The following SGCE variants were observed in gnomAD, a reference collection of about 807,000 sequenced individuals.
SGCE encodes the protein sarcoglycan epsilon.
A neutral mutation model predicts 57.8 loss-of-function variants in SGCE; 26 were observed. The ratio of observed to expected loss-of-function variants is 0.45; its 90% CI spans 0.33 to 0.62. The LOEUF is 0.62. Ranked by LOEUF, SGCE falls within the 20% of genes least tolerant of loss-of-function variation. The pLI is 0.02. For missense variants in SGCE, 468 were observed against 548.6 expected (o/e 0.85, Z 1.47); for synonymous variants, 183 against 189.5 (o/e 0.97, Z 0.28).
At position 94,635,790 on chromosome 7, in the gene SGCE, T is replaced by C. The variant is rs146509970; in HGVS notation, c.110-5949A>G. Among the ~76,000 whole-genome samples, 532 of 152,354 alleles carry C rather than the reference T, an allele frequency of 3.5e-3. 3 individuals carry two copies. The highest frequency in any genetic ancestry group is 0.012 in the African/African-American group (506 of 41,592). ...TTTGTTTTTGTTTTTCTCACTAAGA[T>C]TTACCTTGTGTTTTATCAATACAAC... On this transcript the variant is annotated intron_variant, in intron 1 of 10. Transcript: ENST00000648936.
At chr7:94,602,256 T>C (rs1295209419) in intron 6 of SGCE, among the ~76,000 whole-genome samples, 1 of 152,140 alleles carries the variant, frequency 6.6e-6, no homozygotes, top group Admixed American at 6.6e-5. Context: ...TGAGCAAATT[T>C]GCCTATAATA....
At chr7:94,628,109 G>C in intron 3 of SGCE, 93 bp downstream of exon 3, 1 of 993,886 alleles carries the variant, frequency 1.0e-6, no homozygotes, top group Non-Finnish European at 1.5e-6. Context: ...GGTAACTTTA[G>C]TTTCAACACT....
chr7:94,587,274 C>T (rs550409736), intron 10 of SGCE: 2 of 987,720 alleles, frequency 2.0e-6, no homozygotes, highest in Non-Finnish European at 2.4e-6. Flanking sequence ...AAACAAATTG[C>T]CCTAATATCA....
At chr7:94,655,710 G>C (rs1028141418) in intron 1 of SGCE, among the ~76,000 whole-genome samples, 12 of 151,874 alleles carry the variant, frequency 7.9e-5, no homozygotes, top group African/African-American at 2.9e-4. Flanking sequence ...GGGATGTTGG[G>C]AACAGGAATT....
At chr7:94,639,435 G>A in intron 1 of SGCE, 1 of 1,528,498 alleles carries the variant, frequency 6.5e-7, no homozygotes, top group Non-Finnish European at 8.8e-7. Context: ...CATCAGCACA[G>A]CTTAATAAAA....
At chr7:94,591,374 C>T (rs532884143) in intron 9 of SGCE, among the ~76,000 whole-genome samples, 22 of 152,264 alleles carry the variant, frequency 1.4e-4, no homozygotes, top group Middle Eastern at 3.4e-3. Flanking sequence ...AGTGCACCTT[C>T]TACACATAGG....
intron 1 of SGCE, among the ~76,000 whole-genome samples, chr7:94,653,103 G>A (rs1808122458): frequency 6.6e-6 from 1 of 152,136 alleles, no homozygotes; most frequent in Admixed American, 6.5e-5. Flanking sequence ...ATTCCAGTTT[G>A]TTTTGAAATC....
rs113874093 is a variant in SGCE at position 94,624,307 on chromosome 7, T to C, written c.391-910A>G. 4.1e-3 allele frequency: 1,624 copies of C among 397,886 alleles called. 31 individuals are homozygous for C. The highest frequency in any genetic ancestry group is 0.03 in the African/African-American group (1,465 of 48,698). The allele number at this position is 397,886 out of a possible 1,614,324, so 24.6% of individuals were successfully genotyped here. A position where few individuals can be genotyped will look rare whatever the true frequency, so the allele number is the denominator to read the frequency against. ...AACTAAAAATAAATATCTTGTGCAT[T>C]TTAAAACAAATATCAAAGATTTTTA... On this transcript the variant is annotated intron_variant, in intron 3 of 10. Transcript: ENST00000648936.
chr7:94,629,393 A>G (rs1273926085), intron 2 of SGCE: 1 of 262,944 alleles, frequency 3.8e-6, no homozygotes, highest in African/African-American at 2.3e-5. Context: ...TCAATGTACT[A>G]TGTGAGAATC....
chr7:94,652,104 G>C lies in SGCE; in HGVS notation c.109+3886C>G, dbSNP rs371564115. Among the ~76,000 whole-genome samples, 136 of 152,110 alleles carry C rather than the reference G, an allele frequency of 8.9e-4. No homozygotes were observed. In the South Asian group the frequency reaches 0.028, roughly 31 times the overall value. The stretch of plus-strand genomic sequence containing the variant: ...CTGTCTGTCTGTCTGTCTCTGCTGG[G>C]GAGGTTGAGAGGGATAGAAAGAAAA... On this transcript the variant is annotated intron_variant, in intron 1 of 10. Transcript: ENST00000648936.
intron 1 of SGCE, among the ~76,000 whole-genome samples, chr7:94,653,230 A>T (rs1386007735): frequency 1.3e-5 from 2 of 152,174 alleles, no homozygotes; most frequent in Admixed American, 1.3e-4. Flanking sequence ...TCTAGTTATT[A>T]TCTAACAAGT....
At chr7:94,615,742 C>T (rs747951853) in intron 5 of SGCE, among the ~76,000 whole-genome samples, 4 of 152,098 alleles carry the variant, frequency 2.6e-5, no homozygotes, top group Non-Finnish European at 5.9e-5. Context: ...TTCTTTAATC[C>T]TCACACCCCA....
chr7:94,618,644 T>G, intron 5 of SGCE, 114 bp downstream of exon 5: 3 of 817,222 alleles, frequency 3.7e-6, no homozygotes, highest in Non-Finnish European at 5.9e-6. Flanking sequence ...TTACAATATC[T>G]ATTTCTTATT....
chr7:94,643,306 G>A (rs1484321610), intron 1 of SGCE, among the ~76,000 whole-genome samples: 2 of 152,110 alleles, frequency 1.3e-5, no homozygotes, highest in Non-Finnish European at 2.9e-5. Flanking sequence ...ATGCATCATT[G>A]CTCATACTTT....
chr7:94,585,877 A>G (rs940680345), intron 10 of SGCE, among the ~76,000 whole-genome samples: 1 of 151,990 alleles, frequency 6.6e-6, no homozygotes, highest in African/African-American at 2.4e-5. Flanking sequence ...AGGGCAGAGA[A>G]AATGAGAAAA....
chr7:94,655,464 A>T (rs1468348686), intron 1 of SGCE, among the ~76,000 whole-genome samples: 2 of 151,892 alleles, frequency 1.3e-5, no homozygotes, highest in Non-Finnish European at 2.9e-5. Flanking sequence ...ACTTAGCAAG[A>T]GGGGGAAATT....
At chr7:94,598,013 A>T (rs574350459) in intron 9 of SGCE, 1 of 173,232 alleles carries the variant, frequency 5.8e-6, no homozygotes, top group East Asian at 1.7e-4. Flanking sequence ...ATCTTAAAAA[A>T]AAAAAAGAAA....
chr7:94,634,575 T>TAG (rs1805284955), intron 1 of SGCE, among the ~76,000 whole-genome samples: 1 of 152,178 alleles, frequency 6.6e-6, no homozygotes, highest in African/African-American at 2.4e-5. Flanking sequence ...CGGCTGCAGG[T>TAG]TTAGAAACCA....
intron 9 of SGCE, among the ~76,000 whole-genome samples, chr7:94,595,998 T>A (rs1055309840): frequency 6.6e-6 from 1 of 152,176 alleles, no homozygotes; most frequent in African/African-American, 2.4e-5. Flanking sequence ...ATTATCTGTG[T>A]ACCCTATTTA....
Sources: allele counts gnomAD v4.1 joint callset (sites outside exome capture counted in the v4.1 genomes callset), GRCh38; gene constraint gnomAD v4.1.1; transcripts MANE v1.5; gene names NCBI Gene and HGNC (gene_info 2026-07-23, HGNC 2026-07-21).